Variants in MCPH1 observed in about 807,000 individuals in gnomAD.
MCPH1 encodes microcephalin.
In MCPH1, 104 loss-of-function variants were observed where a neutral mutation model predicts 84.5. The ratio of observed to expected loss-of-function variants is 1.23; its 90% confidence interval spans 1.05 to 1.45. The LOEUF (loss-of-function observed/expected upper bound fraction) is 1.45, where lower values mean the gene tolerates loss of function less well. MCPH1 is among the 40% of genes most tolerant of loss of function. MCPH1 has a pLI of 0.00. For missense variants in MCPH1, 1,498 were observed against 1,005.7 expected (o/e 1.49, Z -6.62); for synonymous variants, 514 against 366.8 (o/e 1.40, Z -4.58).
intron 12 of MCPH1, chr8:6,620,067 G>C (rs578017995): frequency 2.0e-5 from 3 of 152,114 alleles, no homozygotes; most frequent in Non-Finnish European, 4.4e-5. Context: ...CAGTCTCTTT[G>C]TCTGCAAATT....
chr8:6,473,442 C>G (rs1309605260), intron 9 of MCPH1, among the ~76,000 whole-genome samples: 1 of 150,566 alleles, frequency 6.6e-6, no homozygotes, highest in South Asian at 2.1e-4. Context: ...CGCCATTCTC[C>G]TGCCTCGGCC....
chr8:6,426,700 G>A (rs1801111491), intron 3 of MCPH1, among the ~76,000 whole-genome samples: 3 of 152,166 alleles, frequency 2.0e-5, no homozygotes, highest in African/African-American at 7.2e-5. Context: ...ACTTTTCCAA[G>A]GTGGTTATGG....
intron 12 of MCPH1, among the ~76,000 whole-genome samples, chr8:6,606,417 T>G (rs1381335852): frequency 2.0e-5 from 3 of 152,186 alleles, no homozygotes; most frequent in African/African-American, 7.2e-5. Flanking sequence ...TGGCTTTGAG[T>G]AAAGGCTTCA....
intron 13 of MCPH1, among the ~76,000 whole-genome samples, chr8:6,638,917 G>A (rs1384777545): frequency 6.6e-6 from 1 of 152,170 alleles, no homozygotes; most frequent in Non-Finnish European, 1.5e-5. Context: ...AGACCTCCCA[G>A]AGTGCTGCCC....
rs533275991 is a variant in MCPH1 at position 6,583,337 on chromosome 8, A to C, written c.2215-38117A>C. ...TAGCTGGCAGAGTGTCCTAGGAAAG[A>C]CTCCTCAGATGTTATAAATAATACA... is the stretch of plus-strand genomic sequence containing the variant. On this transcript the variant is annotated intron_variant, in intron 12 of 13. Transcript: ENST00000344683. Among the ~76,000 whole-genome samples, 227 of 152,080 alleles carry C rather than the reference A, an allele frequency of 1.5e-3. 2 individuals carry two copies. Among genetic ancestry groups the C allele is most frequent in the African/African-American group, 5.4e-3 (222 of 41,458 alleles).
intron 12 of MCPH1, chr8:6,500,172 C>T (rs1811872036): frequency 2.0e-6 from 1 of 505,904 alleles, no homozygotes; most frequent in South Asian, 2.1e-5. Flanking sequence ...GATTAACATC[C>T]TCAGAACTGA....
chr8:6,448,112 G>A (rs897198097), intron 8 of MCPH1, among the ~76,000 whole-genome samples: 1 of 152,130 alleles, frequency 6.6e-6, no homozygotes, highest in African/African-American at 2.4e-5. Flanking sequence ...CATAGAGGAA[G>A]ACAAATAGTA....
intron 12 of MCPH1, chr8:6,501,216 A>G (rs1812112017): frequency 6.6e-6 from 1 of 152,238 alleles, no homozygotes; most frequent in Admixed American, 6.5e-5. Context: ...CCAAATATGT[A>G]GCAACACCTG....
At chr8:6,415,175 C>A (rs181386500) in intron 3 of MCPH1, among the ~76,000 whole-genome samples, 1 of 152,040 alleles carries the variant, frequency 6.6e-6, no homozygotes, top group Non-Finnish European at 1.5e-5. Context: ...TTGTGTTAGT[C>A]AGCAAGCGCT....
intron 12 of MCPH1, among the ~76,000 whole-genome samples, chr8:6,566,747 G>A (rs1197656303): frequency 1.4e-5 from 2 of 143,680 alleles, no homozygotes; most frequent in Non-Finnish European, 3.1e-5. Flanking sequence ...TGCACGTGTT[G>A]CGGTGACCAT....
chr8:6,564,953 G>C (rs1401441526), intron 12 of MCPH1, among the ~76,000 whole-genome samples: 1 of 152,224 alleles, frequency 6.6e-6, no homozygotes, highest in East Asian at 1.9e-4. Context: ...TGGAAGACAT[G>C]CTCTGGAAGG....
chr8:6,563,017 C>T lies in MCPH1; in HGVS notation c.2215-58437C>T, dbSNP rs186977307. On this transcript the variant is annotated intron_variant, in intron 12 of 13. Coordinates refer to ENST00000344683, the MANE Select transcript of MCPH1 (RefSeq NM_024596.5). ...AGTCCCGAGCTGCTGCCGTCTAAAACGCAGGGCTGCTACGCTGCCATGGCT... is the reference window on the plus strand; with the variant it reads ...AGTCCCGAGCTGCTGCCGTCTAAAATGCAGGGCTGCTACGCTGCCATGGCT... 1.4e-3 allele frequency: 2,040 copies of T among 1,432,894 alleles called. 9 individuals are homozygous for T. The highest frequency in any genetic ancestry group is 1.8e-3 in the Non-Finnish European group (1,868 of 1,065,168). The allele number at this position is 1,432,894 out of a possible 1,614,324, so 88.8% of individuals were successfully genotyped here. A position where few individuals can be genotyped will look rare whatever the true frequency, so the allele number is the denominator to read the frequency against.
chr8:6,627,399 C>A, intron 13 of MCPH1: 1 of 610,046 alleles, frequency 1.6e-6, no homozygotes. Flanking sequence ...TTATCCCCAC[C>A]CAGGTTTCCA....
chr8:6,525,866 A>G (rs1269067582), intron 12 of MCPH1, among the ~76,000 whole-genome samples: 1 of 152,226 alleles, frequency 6.6e-6, no homozygotes, highest in East Asian at 1.9e-4. Context: ...AGCCAATATG[A>G]TTGGAAAAAT....
chr8:6,473,347 T>C (rs1193674370), intron 9 of MCPH1, among the ~76,000 whole-genome samples: 2 of 79,054 alleles, frequency 2.5e-5, no homozygotes, highest in Non-Finnish European at 5.7e-5. Context: ...TTTTTTTTTT[T>C]TGAGACGGAG....
At chr8:6,431,379 G>T in intron 3 of MCPH1, 120 bp from the exon 4 acceptor site, 2 of 739,772 alleles carry the variant, frequency 2.7e-6, no homozygotes, top group Non-Finnish European at 4.7e-6. Context: ...TTTTTTAAAA[G>T]TCTGTTAAAA....
intron 12 of MCPH1, among the ~76,000 whole-genome samples, chr8:6,529,787 T>C (rs2442607): frequency 0.19 from 28,205 of 151,704 alleles, 3,306 homozygotes; most frequent in African/African-American, 0.33. Context: ...TTCATGTGTT[T>C]AATTGGGCTT....
At chr8:6,408,265 C>G (rs966893515) in intron 1 of MCPH1, among the ~76,000 whole-genome samples, 7 of 152,222 alleles carry the variant, frequency 4.6e-5, no homozygotes, top group African/African-American at 1.4e-4. Flanking sequence ...GTCTTACTCT[C>G]TTGCCCAGGC....
At chr8:6,558,100 CA>C (rs1246432872) in intron 12 of MCPH1, among the ~76,000 whole-genome samples, 2 of 152,144 alleles carry the variant, frequency 1.3e-5, no homozygotes, top group Non-Finnish European at 2.9e-5. Flanking sequence ...GTCTTCCTTC[CA>C]ACCTCTCGTC....
Sources: allele counts gnomAD v4.1 joint callset (sites outside exome capture counted in the v4.1 genomes callset), GRCh38; gene constraint gnomAD v4.1.1; transcripts MANE v1.5; gene names NCBI Gene and HGNC (gene_info 2026-07-23, HGNC 2026-07-21).